EXOC2: variants seen among roughly 807,000 people sequenced by gnomAD.
EXOC2 encodes exocyst complex component 2.
EXOC2 carries 70 observed loss-of-function variants against 131.8 expected under a neutral mutation model. The ratio of observed to expected loss-of-function variants is 0.53; its 90% CI spans 0.44 to 0.65. The LOEUF (loss-of-function observed/expected upper bound fraction) is 0.65, where lower values mean the gene tolerates loss of function less well. Ranked by LOEUF, EXOC2 falls within the 30% of genes least tolerant of loss-of-function variation. EXOC2 has a pLI of 0.00. For synonymous variants in EXOC2, 411 were observed against 398.4 expected (o/e 1.03, Z -0.38); for missense variants, 923 against 1,108.6 (o/e 0.83, Z 2.38).
At chr6:652,741 T>G (rs1762888997) in intron 1 of EXOC2, among the ~76,000 whole-genome samples, 1 of 152,150 alleles carries the variant, frequency 6.6e-6, no homozygotes, top group South Asian at 2.1e-4. Context: ...GAAACCTGAT[T>G]TATCCAAAAA....
chr6:590,784 T>A (rs886635056), intron 11 of EXOC2, among the ~76,000 whole-genome samples: 1 of 152,200 alleles, frequency 6.6e-6, no homozygotes, highest in African/African-American at 2.4e-5. Flanking sequence ...TTGTCAGGAC[T>A]CTTTCCTGAG....
intron 25 of EXOC2, among the ~76,000 whole-genome samples, chr6:492,415 G>A (rs771871367): frequency 1.4e-4 from 22 of 152,126 alleles, no homozygotes; most frequent in Non-Finnish European, 2.5e-4. Flanking sequence ...ATGCACGCAC[G>A]AGACATGAAA....
chr6:533,091 A>G (rs1207761204), intron 22 of EXOC2, among the ~76,000 whole-genome samples: 1 of 152,150 alleles, frequency 6.6e-6, no homozygotes, highest in Non-Finnish European at 1.5e-5. Context: ...CTATCATGAG[A>G]AGAGCATGGG....
intron 26 of EXOC2, among the ~76,000 whole-genome samples, chr6:489,588 G>T (rs112215452): frequency 0.017 from 2,562 of 152,254 alleles, 80 homozygotes; most frequent in African/African-American, 0.056. Flanking sequence ...TAAAAGGAAA[G>T]AATTTTAAAA....
At chr6:603,531 G>A (rs899014410) in intron 7 of EXOC2, among the ~76,000 whole-genome samples, 1 of 152,106 alleles carries the variant, frequency 6.6e-6, no homozygotes, top group African/African-American at 2.4e-5. Flanking sequence ...TGAGTTGGCA[G>A]CTTGAAACCA....
Position 497,439 on chromosome 6 carries a change from T to A in EXOC2, c.2487A>T (p.Ile829=), listed in dbSNP as rs898106928. Residue 829 remains isoleucine, a synonymous_variant, in exon 25 of 28, where the codon ATA becomes ATT. Transcript: ENST00000230449. ...GACTGAGCTCTTCAGAAACTGCTTC[T>A]ATCACCTTGGATAGTACCCGAGGGA... ...ELVPRVLSKV[I]EAVSEELSRL... is the part of the protein sequence containing the mutation. 2 of 1,613,992 alleles carry A rather than the reference T, an allele frequency of 1.2e-6. No homozygotes were observed. Among genetic ancestry groups the A allele is most frequent in the Non-Finnish European group, 1.7e-6 (2 of 1,179,976 alleles).
chr6:533,005 G>A (rs1459041063), intron 22 of EXOC2, among the ~76,000 whole-genome samples: 1 of 152,114 alleles, frequency 6.6e-6, no homozygotes, highest in African/African-American at 2.4e-5. Context: ...AGAAGGAGAA[G>A]GTGGCCAGAA....
At chr6:658,428 G>C (rs1763237569) in intron 1 of EXOC2, among the ~76,000 whole-genome samples, 2 of 151,792 alleles carry the variant, frequency 1.3e-5, no homozygotes. Context: ...TCACCAGCCT[G>C]ATATAGTACA....
chr6:614,539 C>T (rs1401843932), intron 6 of EXOC2, among the ~76,000 whole-genome samples: 1 of 152,206 alleles, frequency 6.6e-6, no homozygotes, highest in Non-Finnish European at 1.5e-5. Context: ...AGTACAACAG[C>T]TTTCACTGAG....
chr6:582,755 G>GTATATA (rs1270573211), intron 11 of EXOC2, among the ~76,000 whole-genome samples: 220 of 151,498 alleles, frequency 1.5e-3, no homozygotes, highest in African/African-American at 4.9e-3. Flanking sequence ...ACATATATAT[G>GTATATA]TATATATATA....
At chr6:625,913 C>A (rs948852930) in intron 4 of EXOC2, among the ~76,000 whole-genome samples, 1 of 150,058 alleles carries the variant, frequency 6.7e-6, no homozygotes, top group Non-Finnish European at 1.5e-5. Flanking sequence ...TCTGCCCCTG[C>A]GCCCATATAC....
chr6:564,970 A>T, intron 13 of EXOC2, 41 bp from the exon 14 acceptor site: 1 of 1,493,496 alleles, frequency 6.7e-7, no homozygotes, highest in African/African-American at 1.4e-5. Flanking sequence ...ATTAGAAATA[A>T]TTTAAAAATA....
intron 13 of EXOC2, among the ~76,000 whole-genome samples, chr6:568,908 T>C (rs1222866765): frequency 6.6e-6 from 1 of 152,202 alleles, no homozygotes; most frequent in Non-Finnish European, 1.5e-5. Context: ...GGAAATGTAC[T>C]GGACAGTAAT....
At chr6:635,936 G>A (rs115663764) in intron 2 of EXOC2, among the ~76,000 whole-genome samples, 6,432 of 152,270 alleles carry the variant, frequency 0.042, 185 homozygotes, top group South Asian at 0.15. Context: ...CGGCACATGC[G>A]CCTGTAGTCC....
intron 16 of EXOC2, 118 bp downstream of exon 16, chr6:563,904 GATGAACTAATA>G: frequency 7.6e-7 from 1 of 1,311,192 alleles, no homozygotes; most frequent in Non-Finnish European, 1.0e-6. Context: ...CTAGAAATAA[GATGAACTAATA>G]TATTCCAATT....
At chr6:514,618 G>C (rs1439964343) in intron 23 of EXOC2, among the ~76,000 whole-genome samples, 2 of 152,232 alleles carry the variant, frequency 1.3e-5, no homozygotes, top group African/African-American at 2.4e-5. Context: ...GCTTTCTTAG[G>C]AGCTGCAGGG....
chr6:581,062 G>A (rs1758863971), intron 11 of EXOC2, among the ~76,000 whole-genome samples: 1 of 152,176 alleles, frequency 6.6e-6, no homozygotes, highest in Non-Finnish European at 1.5e-5. Context: ...GGGAGGCCGA[G>A]GTGGGTGGAT....
chr6:609,865 A>C (rs1205265329), intron 7 of EXOC2, among the ~76,000 whole-genome samples: 1 of 152,158 alleles, frequency 6.6e-6, no homozygotes, highest in Non-Finnish European at 1.5e-5. Context: ...ATTTCTTAAG[A>C]AGTATATTGG....
intron 18 of EXOC2, 51 bp from the exon 19 acceptor site, chr6:556,064 T>G (rs763682372): frequency 1.9e-6 from 3 of 1,543,476 alleles, no homozygotes; most frequent in Non-Finnish European, 2.7e-6. Flanking sequence ...AAGAAAAGGT[T>G]TTTGTATATG....
Sources: allele counts gnomAD v4.1 joint callset (sites outside exome capture counted in the v4.1 genomes callset), GRCh38; gene constraint gnomAD v4.1.1; transcripts MANE v1.5; gene names NCBI Gene and HGNC (gene_info 2026-07-23, HGNC 2026-07-21).